MKRN1: variants seen among roughly 807,000 people sequenced by gnomAD.
MKRN1 encodes makorin ring finger protein 1.
In MKRN1, 9 loss-of-function variants were observed where a neutral mutation model predicts 55.5. The observed-to-expected ratio is 0.16, with a 90% CI of 0.10 to 0.28. The LOEUF (loss-of-function observed/expected upper bound fraction) is 0.28. Ranked by LOEUF, MKRN1 falls within the 10% of genes least tolerant of loss-of-function variation. The pLI is 1.00. For synonymous variants in MKRN1, 253 were observed against 235.9 expected, an observed-to-expected ratio of 1.07 and a Z score of -0.66; for missense variants, 488 against 626.7, an observed-to-expected ratio of 0.78 and a Z score of 2.36.
At chr7:140,461,083 T>C (rs1794603853) in intron 2 of MKRN1, among the ~76,000 whole-genome samples, 2 of 152,236 alleles carry the variant, frequency 1.3e-5, no homozygotes, top group African/African-American at 4.8e-5. Flanking sequence ...CAAAACTGAC[T>C]GATTTCAAAG....
chr7:140,458,661 A>C (rs1794533926), intron 4 of MKRN1, among the ~76,000 whole-genome samples: 1 of 152,214 alleles, frequency 6.6e-6, no homozygotes, highest in African/African-American at 2.4e-5. Context: ...CAGAAACATT[A>C]TTTTTTAAAA....
At chr7:140,460,957 T>C (rs1406159994) in intron 2 of MKRN1, among the ~76,000 whole-genome samples, 2 of 152,258 alleles carry the variant, frequency 1.3e-5, no homozygotes, top group South Asian at 2.1e-4. Context: ...ATTTGGCCTG[T>C]AGGCCCATAC....
At chr7:140,479,101 C>T in intron 1 of MKRN1, 59 bp downstream of exon 1, 1 of 1,266,546 alleles carries the variant, frequency 7.9e-7, no homozygotes, top group South Asian at 2.9e-5. Context: ...CCTCCCGCGC[C>T]GCAGGCTTGG....
In MKRN1 at chr7:140,455,710, A is replaced by G; in HGVS notation, c.1097+80T>C. 3.5e-6 allele frequency: 4 copies of G among 1,146,782 alleles called. No homozygotes were observed. In the South Asian group the frequency reaches 5.1e-5, roughly 15 times the overall value. The allele number at this position is 1,146,782 out of a possible 1,614,324, so 71.0% of individuals were successfully genotyped here. On this transcript the variant is annotated intron_variant, in intron 6 of 7. Coordinates refer to ENST00000255977, the MANE Select transcript of MKRN1 (RefSeq NM_013446.4). ...AAGGGTAGGAAGGAGGTAGGAGTGT[A>G]TAATGCAGCACCATTCTTTTCAAAG...
intron 2 of MKRN1, among the ~76,000 whole-genome samples, chr7:140,466,098 T>C (rs1409478623): frequency 6.6e-6 from 1 of 151,874 alleles, no homozygotes; most frequent in African/African-American, 2.4e-5. Context: ...CAAAAAAAGA[T>C]AAGGTTGAAG....
intron 4 of MKRN1, 157 bp from the exon 5 acceptor site, chr7:140,457,023 C>T (rs1794484343): frequency 5.6e-6 from 4 of 717,998 alleles, no homozygotes; most frequent in East Asian, 2.8e-5. Flanking sequence ...CAAGTAAACA[C>T]AGGTGTGGTG....
At chr7:140,465,934 A>G (rs563101620) in intron 2 of MKRN1, among the ~76,000 whole-genome samples, 4 of 152,226 alleles carry the variant, frequency 2.6e-5, no homozygotes, top group African/African-American at 9.6e-5. Context: ...CAAAAAAATT[A>G]GCTGGGCATG....
Position 140,472,731 on chromosome 7 carries a change from C to T in MKRN1, c.186-720G>A, listed in dbSNP as rs1179810300. ...CAACGAACTATTTTGACATTCCAGC[C>T]TGGGTGATGGAGCACGACTATGACT... On this transcript the variant is annotated intron_variant, in intron 1 of 7. Transcript: ENST00000255977. 3.3e-5 allele frequency among the ~76,000 whole-genome samples: 5 copies of T among 149,850 alleles called. No individual in the cohort carries two copies. In the Admixed American group the frequency reaches 3.3e-4, roughly 10 times the overall value.
chr7:140,468,724 A>AAAAAAAAAAAAT (rs1794839341), intron 2 of MKRN1, among the ~76,000 whole-genome samples: 1 of 151,260 alleles, frequency 6.6e-6, no homozygotes, highest in Non-Finnish European at 1.5e-5. Flanking sequence ...AAAAAAAAAA[A>AAAAAAAAAAAAT]AGACATGCCT....
rs1005847362 is a variant in MKRN1 at position 140,461,967 on chromosome 7, G to C, written c.315-2031C>G. On this transcript the variant is annotated intron_variant, in intron 2 of 7. Transcript: ENST00000255977. ...CATTGCACTCCAGCCTGGGCAACAA[G>C]AGCAAAACTCCATCTCGAAAGAAAA... Among the ~76,000 whole-genome samples, 6 of 152,184 alleles carry C rather than the reference G, an allele frequency of 3.9e-5. No individual in the cohort carries two copies. In the South Asian group the frequency reaches 1.2e-3, roughly 32 times the overall value.
intron 6 of MKRN1, 140 bp downstream of exon 6, chr7:140,455,650 A>G (rs1794447499): frequency 4.5e-6 from 3 of 662,354 alleles, no homozygotes; most frequent in Admixed American, 2.6e-5. Context: ...GGATGTTATC[A>G]GGGTGACAAA....
intron 2 of MKRN1, among the ~76,000 whole-genome samples, chr7:140,465,461 C>T: frequency 6.6e-6 from 1 of 151,814 alleles, no homozygotes; most frequent in Non-Finnish European, 1.5e-5. Flanking sequence ...CGACAGAGCA[C>T]GACTCCATCT....
chr7:140,479,377 A>G lies in MKRN1; in HGVS notation c.-33T>C. ...TATCCCACACAGCAAAGGCCCCGGA[A>G]CTTCCGGGATCACATAGTTCCGGTC... On this transcript the variant is annotated 5_prime_UTR_variant, in exon 1 of 8. Coordinates refer to ENST00000255977, the MANE Select transcript of MKRN1 (RefSeq NM_013446.4). 1 of 1,276,136 alleles carries G rather than the reference A, an allele frequency of 7.8e-7. No individual in the cohort carries two copies. Among genetic ancestry groups the G allele is most frequent in the Non-Finnish European group, 1.0e-6 (1 of 1,004,572 alleles). 79.1% of individuals were successfully genotyped at this position (1,276,136 alleles called of 1,614,324 possible).
intron 1 of MKRN1, chr7:140,475,322 G>C (rs1053010732): frequency 7.9e-6 from 3 of 378,020 alleles, no homozygotes; most frequent in Non-Finnish European, 1.6e-5. Flanking sequence ...CAGCTTGGGC[G>C]ACACAGACTC....
rs71272543 is a variant in MKRN1, at chr7:140,474,005, A to AAAAGAAAGAAAGAAAGAAAGAAAG, written c.186-2018_186-1995dup. Among the ~76,000 whole-genome samples the AAAAGAAAGAAAGAAAGAAAGAAAG allele has an allele frequency of 2.5e-3, 165 of 65,624 alleles. 2 individuals carry two copies. The highest frequency in any genetic ancestry group is 7.1e-3 in the Middle Eastern group (1 of 140). The allele number at this position is 65,624 out of a possible 152,430, so 43.1% of individuals were successfully genotyped here. A position where few individuals can be genotyped will look rare whatever the true frequency, so the allele number is the denominator to read the frequency against. On this transcript the variant is annotated intron_variant, in intron 1 of 7. Transcript: ENST00000255977. Reference sequence around the variant, plus strand: ...GAAACTCCGTCTCAAAAAAAAAAAAAAAAGAAAGAAAGAAAGAAAGAAAGA... The same window carrying AAAAGAAAGAAAGAAAGAAAGAAAG: ...GAAACTCCGTCTCAAAAAAAAAAAAAAAAGAAAGAAAGAAAGAAAGAAAGAAAGAAAGAAAGAAAGAAAGAAAGA...
Position 140,459,871 on chromosome 7 carries a change from G to A in MKRN1, c.380C>T (p.Ser127Phe), listed in dbSNP as rs756278638. 15 of 1,613,850 alleles carry A rather than the reference G, an allele frequency of 9.3e-6. No homozygotes were observed. In the Admixed American group the frequency reaches 2.3e-4, roughly 25 times the overall value. ...TGAGAGACTTGAGGAAGCAGCAAGG[G>A]ATGACTTTGTAGTTAGCTCTGTAGC... ...ATATELTTKS[S>F]LAASSSLSSI... The change falls in exon 3 of 8, where the codon TCC (serine) becomes TTC (phenylalanine). Residue 127 changes from serine (S) to phenylalanine (F), a missense_variant. Ser to Phe is a radical substitution (Grantham distance 155, BLOSUM62 -2). Coordinates refer to ENST00000255977, the MANE Select transcript of MKRN1 (RefSeq NM_013446.4).
chr7:140,461,967 G>A (rs1005847362), intron 2 of MKRN1, among the ~76,000 whole-genome samples: 4 of 152,184 alleles, frequency 2.6e-5, no homozygotes, highest in South Asian at 2.1e-4. Context: ...TGGGCAACAA[G>A]AGCAAAACTC....
intron 2 of MKRN1, among the ~76,000 whole-genome samples, chr7:140,471,500 C>T (rs1052056545): frequency 3.9e-5 from 6 of 151,966 alleles, no homozygotes; most frequent in African/African-American, 1.5e-4. Flanking sequence ...GGTGGAGTCT[C>T]GCTCTGTTGC....
rs965280097 is a variant in MKRN1, at chr7:140,472,277, A to C, written c.186-266T>G. On this transcript the variant is annotated intron_variant, in intron 1 of 7. Coordinates refer to ENST00000255977, the MANE Select transcript of MKRN1 (RefSeq NM_013446.4). ...TGGTGAAACCCCGTCTCTACTAAAA[A>C]TACAAAAATTGGCTGGTGTGGTGGC... is the stretch of plus-strand genomic sequence containing the variant. 3 of 382,028 alleles carry C rather than the reference A, an allele frequency of 7.9e-6. No homozygotes were observed. The East Asian group carries it at 1.8e-4, about 22-fold the overall frequency. The allele number at this position is 382,028 out of a possible 1,614,324, so 23.7% of individuals were successfully genotyped here. A position where few individuals can be genotyped will look rare whatever the true frequency, so the allele number is the denominator to read the frequency against.
Sources: gnomAD v4.1 joint callset for allele counts (sites outside exome capture counted in the v4.1 genomes callset) on GRCh38, gnomAD v4.1.1 for gene constraint, MANE v1.5 for transcripts, NCBI Gene and HGNC (gene_info 2026-07-23, HGNC 2026-07-21) for gene names.